Variants in UTP20 observed in about 807,000 individuals in gnomAD.
UTP20 encodes the protein UTP20 small subunit processome component.
UTP20 carries 164 observed loss-of-function variants against 329.5 expected under a neutral mutation model. The ratio of observed to expected loss-of-function variants is 0.50; its 90% CI spans 0.44 to 0.57. The LOEUF is 0.57. Among genes scored for constraint, UTP20 ranks in the 20% least tolerant of loss-of-function variants. UTP20 has a pLI of 0.00. For missense variants in UTP20, 3,055 were observed against 3,284.2 expected (o/e 0.93, Z 1.71); for synonymous variants, 1,151 against 1,159.3 (o/e 0.99, Z 0.14).
intron 28 of UTP20, 75 bp downstream of exon 28, chr12:101,333,519 C>A (rs1868831397): frequency 6.5e-7 from 1 of 1,535,088 alleles, no homozygotes. Context: ...ACATAGCTAC[C>A]ACCCAGACAT....
chr12:101,317,512 C>T lies in UTP20; in HGVS notation c.2587C>T (p.Pro863Ser). The T allele has an allele frequency of 6.2e-7, 1 of 1,614,082 alleles. No homozygotes were observed. The highest frequency in any genetic ancestry group is 8.5e-7 in the Non-Finnish European group (1 of 1,180,000). Residue 863 changes from proline (P) to serine (S), a missense_variant, in exon 22 of 62, where the codon CCA (proline) becomes TCA (serine). Physicochemically the swap from Pro to Ser is moderately conservative, Grantham distance 74 (BLOSUM62 -1). Around this residue, in one of 3 missense-constraint regions of UTP20, gnomAD observed 2,445 missense variants for 2,575.5 expected, o/e 0.95. Transcript: ENST00000261637. ...TTACCCAGCAGATCTGCAAGTTGCT[C>T]CAACCCAGGATCTACGGAGAAAAGG... Reference protein sequence around the residue: ...EYYPADLQVAPTQDLRRKGKG... With the variant: ...EYYPADLQVASTQDLRRKGKG...
intron 38 of UTP20, among the ~76,000 whole-genome samples, chr12:101,350,858 G>T (rs1386475682): frequency 6.6e-6 from 1 of 152,076 alleles, no homozygotes; most frequent in Non-Finnish European, 1.5e-5. Flanking sequence ...GACTCTAGGG[G>T]CTTGCTCTGT....
intron 21 of UTP20, among the ~76,000 whole-genome samples, chr12:101,316,687 A>G (rs1005092875): frequency 3.3e-5 from 5 of 152,198 alleles, no homozygotes; most frequent in Admixed American, 3.3e-4. Flanking sequence ...AGGCCATCCA[A>G]TCAGTTTCCT....
Position 101,309,849 on chromosome 12 carries a change from G to T in UTP20, c.2231+10G>T, listed in dbSNP as rs1252841130. 6.2e-7 allele frequency: 1 copy of T among 1,609,180 alleles called. No homozygotes were observed. Among genetic ancestry groups the T allele is most frequent in the Admixed American group, 1.7e-5 (1 of 60,000 alleles). ...TTATTGAACTCATAAGGTAAACATG[G>T]GTTAAATGGGATGAAACTATTATAC... On this transcript the variant is annotated intron_variant, in intron 19 of 61. Coordinates refer to ENST00000261637, the MANE Select transcript of UTP20 (RefSeq NM_014503.3).
chr12:101,380,665 C>G (rs1870615347), intron 57 of UTP20, among the ~76,000 whole-genome samples: 1 of 151,742 alleles, frequency 6.6e-6, no homozygotes, highest in Non-Finnish European at 1.5e-5. Context: ...GAGTTCGAGA[C>G]CAGCCTGGCC....
In UTP20 at chr12:101,327,112, G is replaced by A. The variant is rs184835287; in HGVS notation, c.3073G>A (p.Gly1025Arg). The change falls in exon 26 of 62, where the codon GGG becomes AGG. Residue 1025 changes from glycine to arginine, a missense_variant. Physicochemically the swap from Gly to Arg is moderately radical, Grantham distance 125. This residue lies in a region of UTP20 where 2,445 missense variants were observed against 2,575.5 expected (regional missense o/e 0.95). Transcript: ENST00000261637. ...ILYGRMKNKT[G>R]SKTQGKSASG... ...GTATGGGCGAATGAAGAATAAGACT[G>A]GGAGTAAAACTCAGGGGAAATCTGC... The A allele has an allele frequency of 1.9e-4, 298 of 1,610,064 alleles. 1 individual carries two copies. The highest frequency in any genetic ancestry group is 7.8e-4 in the Admixed American group (47 of 59,904).
chr12:101,347,135 A>G (rs7955242), intron 38 of UTP20, among the ~76,000 whole-genome samples: 5 of 152,210 alleles, frequency 3.3e-5, no homozygotes, highest in African/African-American at 4.8e-5. Context: ...CAGAACTGGT[A>G]TTCCAACTTA....
Position 101,378,765 on chromosome 12 carries a change from A to G in UTP20, c.7397-606A>G, listed in dbSNP as rs531290325. On this transcript the variant is annotated intron_variant, in intron 56 of 61. Transcript: ENST00000261637. Reference sequence around the variant, plus strand: ...AAAATGTAACTGTTAATGTCACCTTATCTCCCTTGAATCTGAAACTAGTTC... The same window carrying G: ...AAAATGTAACTGTTAATGTCACCTTGTCTCCCTTGAATCTGAAACTAGTTC... 2.2e-3 allele frequency among the ~76,000 whole-genome samples: 331 copies of G among 152,114 alleles called. 1 individual carries two copies. Among genetic ancestry groups the G allele is most frequent in the African/African-American group, 7.4e-3 (307 of 41,514 alleles).
intron 29 of UTP20, among the ~76,000 whole-genome samples, chr12:101,335,007 C>G (rs1019878177): frequency 6.6e-6 from 1 of 151,410 alleles, no homozygotes; most frequent in Non-Finnish European, 1.5e-5. Context: ...AATTGCTAGA[C>G]AGTATATATA....
At chr12:101,293,298 A>T (rs2137236350) in intron 11 of UTP20, 53 bp downstream of exon 11, 1 of 1,528,768 alleles carries the variant, frequency 6.5e-7, no homozygotes, top group East Asian at 2.3e-5. Flanking sequence ...TGTCAGGAAA[A>T]AACGATCAAA....
intron 14 of UTP20, among the ~76,000 whole-genome samples, chr12:101,300,618 A>G (rs969670167): frequency 2.0e-5 from 3 of 152,114 alleles, no homozygotes; most frequent in Admixed American, 6.5e-5. Context: ...ACCATTTCCT[A>G]TTAGATATTT....
chr12:101,313,694 A>C (rs1402530825), intron 21 of UTP20, among the ~76,000 whole-genome samples: 1 of 151,814 alleles, frequency 6.6e-6, no homozygotes, highest in Non-Finnish European at 1.5e-5. Flanking sequence ...ATTTGCCAGC[A>C]GATCAGATGT....
chr12:101,370,200 G>C (rs553731021), intron 49 of UTP20, among the ~76,000 whole-genome samples: 1 of 152,310 alleles, frequency 6.6e-6, no homozygotes, highest in African/African-American at 2.4e-5. Flanking sequence ...CTTGGTGACA[G>C]AGCGAGACCC....
chr12:101,308,089 G>A, intron 17 of UTP20, 96 bp from the exon 18 acceptor site: 1 of 1,120,340 alleles, frequency 8.9e-7, no homozygotes, highest in South Asian at 2.9e-5. Context: ...ACATATTCCA[G>A]TTTTTCTATT....
At chr12:101,283,487 A>G (rs1403239389) in intron 2 of UTP20, among the ~76,000 whole-genome samples, 1 of 152,178 alleles carries the variant, frequency 6.6e-6, no homozygotes, top group African/African-American at 2.4e-5. Context: ...GGCCAGATTC[A>G]AAGGGTGAGG....
Position 101,379,504 on chromosome 12 carries a change from A to G in UTP20, c.7530A>G (p.Lys2510=), listed in dbSNP as rs766142512. ...IQKWNTKKTK[K]HLPEPVAIKF... ...AATGGAATACCAAAAAGACCAAAAA[A>G]CACCTCCCAGAACCTGTAGCAATCA... The change falls in exon 57 of 62, where the codon AAA becomes AAG. Residue 2510 remains lysine, a synonymous_variant. Transcript: ENST00000261637. The G allele has an allele frequency of 2.5e-6, 4 of 1,613,996 alleles. No individual in the cohort carries two copies. In the African/African-American group the frequency reaches 4.0e-5, roughly 16 times the overall value.
chr12:101,377,399 C>G (rs1431913206), intron 56 of UTP20, among the ~76,000 whole-genome samples: 1 of 152,008 alleles, frequency 6.6e-6, no homozygotes, highest in Non-Finnish European at 1.5e-5. Flanking sequence ...TGTGCGATCT[C>G]AGCTCACTGC....
Position 101,356,624 on chromosome 12 carries a change from C to A in UTP20, c.5465C>A (p.Pro1822Gln). Residue 1822 changes from proline to glutamine, a missense_variant, in exon 42 of 62, where the codon CCA becomes CAA. By Grantham distance (76) the Pro-to-Gln change is moderately conservative. Coordinates refer to ENST00000261637, the MANE Select transcript of UTP20 (RefSeq NM_014503.3). ...VVNDEEVVRVPLAFAMVKLMQ... is the reference protein window; with the variant it reads ...VVNDEEVVRVQLAFAMVKLMQ... ...AATGATGAGGAAGTCGTTCGAGTTC[C>A]ATTAGCTTTTGCCATGGTTAAACTA... 1 of 1,613,996 alleles carries A rather than the reference C, an allele frequency of 6.2e-7. No homozygotes were observed.
chr12:101,341,436 A>G (rs1869132530), intron 32 of UTP20, among the ~76,000 whole-genome samples: 1 of 152,214 alleles, frequency 6.6e-6, no homozygotes, highest in Admixed American at 6.5e-5. Flanking sequence ...GTCAGACCTC[A>G]GTAGTGATAC....
Sources: gnomAD v4.1 joint callset for allele counts (sites outside exome capture counted in the v4.1 genomes callset) on GRCh38, gnomAD v4.1.1 for gene constraint, gnomAD v4.1.1 regional missense constraint, MANE v1.5 for transcripts, NCBI Gene and HGNC (gene_info 2026-07-23, HGNC 2026-07-21) for gene names.